EFHD1: variants seen among roughly 807,000 people sequenced by gnomAD.
EFHD1 encodes the protein EF-hand domain-containing protein D1.
A neutral mutation model predicts 17.2 loss-of-function variants in EFHD1; 10 were observed. The observed-to-expected ratio is 0.58, with a 90% CI of 0.36 to 0.99. The LOEUF (loss-of-function observed/expected upper bound fraction) is 0.99, where lower values mean the gene tolerates loss of function less well. Ranked by LOEUF, EFHD1 falls within the 50% of genes least tolerant of loss-of-function variation. The pLI, the probability that EFHD1 is intolerant of heterozygous loss-of-function variation, is 0.01. For synonymous variants in EFHD1, 153 were observed against 142.0 expected, an observed-to-expected ratio of 1.08 and a Z score of -0.55; for missense variants, 310 against 327.5, an observed-to-expected ratio of 0.95 and a Z score of 0.41.
At chr2:232,619,692 C>CA (rs1559337888) in intron 1 of EFHD1, among the ~76,000 whole-genome samples, 2 of 152,048 alleles carry the variant, frequency 1.3e-5, no homozygotes, top group Non-Finnish European at 2.9e-5. Flanking sequence ...GGTGGTTGCG[C>CA]AACACTAGGA....
In EFHD1 at chr2:232,681,945, C is replaced by T; in HGVS notation, c.*226C>T. ...TGCCCACCTCTGTCTCCTGCCTCTG[C>T]TCCTCTGCCCTTCTTATAGCCAGAA... On this transcript the variant is annotated 3_prime_UTR_variant, in exon 4 of 4. Transcript: ENST00000264059. The T allele has an allele frequency of 3.8e-6, 2 of 528,018 alleles. No homozygotes were observed. Among genetic ancestry groups the T allele is most frequent in the Non-Finnish European group, 6.5e-6 (2 of 309,030 alleles). 32.7% of individuals were successfully genotyped at this position (528,018 alleles called of 1,614,324 possible).
intron 1 of EFHD1, among the ~76,000 whole-genome samples, chr2:232,614,774 G>A (rs1026542515): frequency 2.6e-5 from 4 of 152,100 alleles, no homozygotes; most frequent in African/African-American, 7.2e-5. Flanking sequence ...CCTGGAGTTC[G>A]AGACCAGCCT....
chr2:232,661,018 C>T (rs1694856955), intron 1 of EFHD1, among the ~76,000 whole-genome samples: 1 of 151,924 alleles, frequency 6.6e-6, no homozygotes, highest in Non-Finnish European at 1.5e-5. Context: ...TGTGGTGGCG[C>T]ACACCTGTAA....
chr2:232,633,292 G>A (rs1185252977), upstream of EFHD1: 4 of 228,274 alleles, frequency 1.8e-5, no homozygotes, highest in African/African-American at 2.3e-5. Flanking sequence ...GAAAGGCACC[G>A]TCTGAACGGT....
intron 1 of EFHD1, chr2:232,611,822 T>G (rs1693820563): frequency 6.6e-6 from 1 of 152,290 alleles, no homozygotes; most frequent in Non-Finnish European, 1.5e-5. Context: ...GGGGGCAGCC[T>G]GTCAAAGACT....
chr2:232,644,604 C>T (rs1694493179), intron 1 of EFHD1, among the ~76,000 whole-genome samples: 1 of 151,812 alleles, frequency 6.6e-6, no homozygotes, highest in Admixed American at 6.6e-5. Context: ...CCTCCGCCTC[C>T]CGGGTTCAAG....
At chr2:232,610,074 G>A (rs1483406089) in intron 1 of EFHD1, among the ~76,000 whole-genome samples, 2 of 152,206 alleles carry the variant, frequency 1.3e-5, no homozygotes, top group East Asian at 1.9e-4. Flanking sequence ...CGCCTGTCCC[G>A]CCACATACCA....
intron 1 of EFHD1, among the ~76,000 whole-genome samples, chr2:232,648,663 G>T (rs1373905327): frequency 1.3e-5 from 2 of 151,984 alleles, no homozygotes; most frequent in Non-Finnish European, 2.9e-5. Context: ...TCTCTGCCTT[G>T]AACGTGCCCA....
rs549684352 is a variant in EFHD1, at chr2:232,656,361, C to T, written c.303-6441C>T. Among the ~76,000 whole-genome samples the T allele has an allele frequency of 5.3e-5, 8 of 151,782 alleles. No homozygotes were observed. The South Asian group carries it at 1.0e-3, about 20-fold the overall frequency. ...AGGTGTGGTCACAGTTGCAAGTGAG[C>T]GCCATTTCTCTCAAAACCTGTGCTG... On this transcript the variant is annotated intron_variant, in intron 1 of 3. Transcript: ENST00000264059.
chr2:232,630,794 A>AG (rs1338676715), upstream of EFHD1, among the ~76,000 whole-genome samples: 41 of 135,758 alleles, frequency 3.0e-4, no homozygotes, highest in African/African-American at 9.2e-4. Flanking sequence ...TAAAAAAAAA[A>AG]AAAAAAGAAA....
intron 1 of EFHD1, among the ~76,000 whole-genome samples, chr2:232,651,779 G>A (rs557365668): frequency 6.6e-6 from 1 of 152,292 alleles, no homozygotes; most frequent in East Asian, 1.9e-4. Context: ...CCGAGATTGC[G>A]CCACTGCACT....
At chr2:232,626,918 G>C (rs1694110890) in intron 1 of EFHD1, among the ~76,000 whole-genome samples, 1 of 151,676 alleles carries the variant, frequency 6.6e-6, no homozygotes, top group Middle Eastern at 3.4e-3. Flanking sequence ...GAGCATGATG[G>C]CTCTTGCCTG....
chr2:232,670,341 T>G (rs758936772), intron 2 of EFHD1, among the ~76,000 whole-genome samples: 2 of 151,844 alleles, frequency 1.3e-5, no homozygotes. Flanking sequence ...CTTGGGAGGC[T>G]GAGGCGGGAG....
At position 232,654,808 on chromosome 2, in the gene EFHD1, C is replaced by T. The variant is rs1276830612; in HGVS notation, c.303-7994C>T. Among the ~76,000 whole-genome samples, 3 of 152,252 alleles carry T rather than the reference C, an allele frequency of 2.0e-5. No homozygotes were observed. In the South Asian group the frequency reaches 6.2e-4, roughly 32 times the overall value. ...ACATGTGACAGCCCCTCTGTGTCTGCGGGAGGCTGCGCTAGCTCCGGCTTA... is the reference window on the plus strand; with the variant it reads ...ACATGTGACAGCCCCTCTGTGTCTGTGGGAGGCTGCGCTAGCTCCGGCTTA... On this transcript the variant is annotated intron_variant, in intron 1 of 3. Transcript: ENST00000264059.
intron 3 of EFHD1, 111 bp from the exon 4 acceptor site, chr2:232,681,474 C>A: frequency 6.8e-7 from 1 of 1,470,750 alleles, no homozygotes; most frequent in Non-Finnish European, 9.1e-7. Flanking sequence ...CGTGGGCCCA[C>A]ATTCCCTTGT....
At chr2:232,653,141 C>T (rs1234752507) in intron 1 of EFHD1, among the ~76,000 whole-genome samples, 1 of 151,880 alleles carries the variant, frequency 6.6e-6, no homozygotes, top group African/African-American at 2.4e-5. Context: ...TTATAGCCAC[C>T]CACCACCACG....
intron 1 of EFHD1, among the ~76,000 whole-genome samples, chr2:232,657,150 A>G (rs1035782577): frequency 2.0e-5 from 3 of 152,308 alleles, no homozygotes; most frequent in Non-Finnish European, 4.4e-5. Context: ...TTATGCAACC[A>G]TCACTGTCAT....
intron 3 of EFHD1, among the ~76,000 whole-genome samples, chr2:232,673,828 CT>C (rs1695122265): frequency 6.6e-6 from 1 of 151,638 alleles, no homozygotes. Context: ...TTTGACCCAA[CT>C]TTTTGTAAAG....
intron 3 of EFHD1, among the ~76,000 whole-genome samples, chr2:232,677,561 A>G (rs953491491): frequency 1.2e-4 from 19 of 152,154 alleles, no homozygotes; most frequent in Non-Finnish European, 1.6e-4. Context: ...CATTACAAAA[A>G]CAAACAAAAA....
Sources: gnomAD v4.1 joint callset for allele counts (sites outside exome capture counted in the v4.1 genomes callset) on GRCh38, gnomAD v4.1.1 for gene constraint, MANE v1.5 for transcripts, NCBI Gene and HGNC (gene_info 2026-07-23, HGNC 2026-07-21) for gene names.